ARHGAP39: variants seen among roughly 807,000 people sequenced by gnomAD.
The protein encoded by ARHGAP39 is rho GTPase-activating protein 39.
In ARHGAP39, 44 loss-of-function variants were observed where a neutral mutation model predicts 106.9. The observed-to-expected ratio is 0.41, with a 90% confidence interval of 0.32 to 0.53. ARHGAP39 has a LOEUF of 0.53. Among genes scored for constraint, ARHGAP39 ranks in the 20% least tolerant of loss-of-function variants. The pLI, the probability that ARHGAP39 is intolerant of heterozygous loss-of-function variation, is 0.21. For synonymous variants in ARHGAP39, 768 were observed against 693.2 expected (o/e 1.11, Z -1.69); for missense variants, 1,496 against 1,577.3 (o/e 0.95, Z 0.87).
At chr8:144,618,045 G>C (rs1820684526) in intron 1 of ARHGAP39, among the ~76,000 whole-genome samples, 2 of 152,050 alleles carry the variant, frequency 1.3e-5, no homozygotes, top group African/African-American at 4.8e-5. Flanking sequence ...GCCTCCCAAA[G>C]TGCTGGGATT....
chr8:144,633,611 C>A (rs1236338910), intron 1 of ARHGAP39, among the ~76,000 whole-genome samples: 1 of 152,244 alleles, frequency 6.6e-6, no homozygotes, highest in East Asian at 1.9e-4. Context: ...ATGGAGTTTA[C>A]TTTCAAGTCA....
chr8:144,605,253 C>G (rs1031807034), intron 2 of ARHGAP39, among the ~76,000 whole-genome samples: 4 of 152,110 alleles, frequency 2.6e-5, no homozygotes, highest in Non-Finnish European at 5.9e-5. Flanking sequence ...CGAGTGAGAC[C>G]CTGTCTCCTC....
At chr8:144,563,630 A>C (rs568739960) in intron 3 of ARHGAP39, among the ~76,000 whole-genome samples, 2 of 151,806 alleles carry the variant, frequency 1.3e-5, no homozygotes, top group Non-Finnish European at 2.9e-5. Context: ...TATAAAAAAA[A>C]AATAATAATA....
chr8:144,543,486 G>C (rs917109576), intron 6 of ARHGAP39, among the ~76,000 whole-genome samples: 43 of 152,320 alleles, frequency 2.8e-4, no homozygotes, highest in African/African-American at 1.0e-3. Flanking sequence ...CTGGCTGTGA[G>C]GGTGGCCACA....
intron 3 of ARHGAP39, among the ~76,000 whole-genome samples, chr8:144,572,514 C>T (rs1818621975): frequency 6.6e-6 from 1 of 152,080 alleles, no homozygotes; most frequent in Non-Finnish European, 1.5e-5. Context: ...GACCTAAAAC[C>T]ATAAAAACCC....
At chr8:144,612,844 T>C (rs1395757679) in intron 1 of ARHGAP39, among the ~76,000 whole-genome samples, 1 of 152,262 alleles carries the variant, frequency 6.6e-6, no homozygotes, top group Non-Finnish European at 1.5e-5. Context: ...CAGAGTGAGA[T>C]CCTGTCTCAA....
intron 3 of ARHGAP39, among the ~76,000 whole-genome samples, chr8:144,562,509 C>CACTCCAGTGGTTTCCATCGG (rs1304979335): frequency 9.9e-5 from 13 of 131,042 alleles, no homozygotes; most frequent in East Asian, 8.0e-4. Context: ...CCATCGGACT[C>CACTCCAGTGGTTTCCATCGG]ACTCCAGTGG....
At chr8:144,542,453 C>T (rs774935308) in intron 6 of ARHGAP39, among the ~76,000 whole-genome samples, 3 of 152,160 alleles carry the variant, frequency 2.0e-5, no homozygotes, top group Non-Finnish European at 4.4e-5. Flanking sequence ...CTCAGCTCTG[C>T]TCCTCACCGA....
intron 3 of ARHGAP39, among the ~76,000 whole-genome samples, chr8:144,555,882 T>G (rs908724248): frequency 1.3e-5 from 2 of 152,198 alleles, no homozygotes; most frequent in Non-Finnish European, 2.9e-5. Flanking sequence ...TTCAGAAGCT[T>G]GAACCATTGG....
intron 2 of ARHGAP39, among the ~76,000 whole-genome samples, chr8:144,603,098 C>T (rs992698285): frequency 2.4e-5 from 3 of 124,324 alleles, no homozygotes; most frequent in Non-Finnish European, 4.9e-5. Flanking sequence ...TGCGCGAGCT[C>T]ATGTATCTGT....
the ARHGAP39 span, among the ~76,000 whole-genome samples, chr8:144,694,445 A>G: frequency 1.3e-5 from 2 of 152,238 alleles, no homozygotes; most frequent in African/African-American, 4.8e-5. Context: ...GCTCAGCCCA[A>G]GGACAGGTGC....
intron 1 of ARHGAP39, among the ~76,000 whole-genome samples, chr8:144,661,452 G>A (rs1389555390): frequency 6.6e-6 from 1 of 152,114 alleles, no homozygotes; most frequent in Non-Finnish European, 1.5e-5. Flanking sequence ...ATGCTTACCT[G>A]GCAAACACCT....
chr8:144,554,114 G>T (rs1455950894), intron 4 of ARHGAP39, among the ~76,000 whole-genome samples: 2 of 152,258 alleles, frequency 1.3e-5, no homozygotes, highest in Non-Finnish European at 2.9e-5. Context: ...AGAGGCAGAG[G>T]CCACAGGAAG....
the ARHGAP39 span, among the ~76,000 whole-genome samples, chr8:144,693,157 C>T: frequency 2.0e-5 from 3 of 148,874 alleles, no homozygotes; most frequent in South Asian, 2.1e-4. Flanking sequence ...CTCCGCCTCC[C>T]GGGTTCAAGC....
rs369178218 is a variant in ARHGAP39, at chr8:144,605,000, G to A, written c.80+535C>T. Reference sequence around the variant, plus strand: ...AAATCAGGGCAGAGCAGTGGCTCACGTCTGTGATCCTGGCACTTTGGGAGG... The same window carrying A: ...AAATCAGGGCAGAGCAGTGGCTCACATCTGTGATCCTGGCACTTTGGGAGG... On this transcript the variant is annotated intron_variant, in intron 2 of 11. Coordinates refer to ENST00000377307, the MANE Select transcript of ARHGAP39 (RefSeq NM_025251.3). The surrounding 1 kb of genome is among the most constrained non-coding windows in gnomAD (Gnocchi z 4.1). Among the ~76,000 whole-genome samples, 6 of 152,208 alleles carry A rather than the reference G, an allele frequency of 3.9e-5. No homozygotes were observed. The highest frequency in any genetic ancestry group is 1.9e-4 in the East Asian group (1 of 5,192).
chr8:144,565,732 A>T (rs1475610541), intron 3 of ARHGAP39, among the ~76,000 whole-genome samples: 1 of 152,080 alleles, frequency 6.6e-6, no homozygotes, highest in Admixed American at 6.6e-5. Flanking sequence ...ACAGAGTCAG[A>T]GAGCTGCAGG....
intron 1 of ARHGAP39, among the ~76,000 whole-genome samples, chr8:144,656,099 A>C (rs1345681205): frequency 6.6e-6 from 1 of 152,176 alleles, no homozygotes; most frequent in Non-Finnish European, 1.5e-5. Context: ...ATACTAAAAG[A>C]AATATTAAAT....
At chr8:144,617,872 C>T (rs1004872636) in intron 1 of ARHGAP39, among the ~76,000 whole-genome samples, 3 of 152,124 alleles carry the variant, frequency 2.0e-5, no homozygotes, top group Non-Finnish European at 4.4e-5. Flanking sequence ...GTCTCAACCT[C>T]CCGGGCTCAA....
chr8:144,685,626 C>T (rs1271482702), intron 1 of ARHGAP39, among the ~76,000 whole-genome samples, 60 bp downstream of exon 1: 1 of 148,842 alleles, frequency 6.7e-6, no homozygotes, highest in African/African-American at 2.4e-5. Context: ...GACCGCAGCG[C>T]CGGCCCCTCC....
Sources: allele counts gnomAD v4.1 joint callset (sites outside exome capture counted in the v4.1 genomes callset), GRCh38; gene constraint gnomAD v4.1.1; non-coding constraint Gnocchi (gnomAD v3.1); transcripts MANE v1.5; gene names NCBI Gene and HGNC (gene_info 2026-07-23, HGNC 2026-07-21).